SBF2: variants seen among roughly 807,000 people sequenced by gnomAD.
SBF2 encodes myotubularin-related protein 13.
SBF2 carries 112 observed loss-of-function variants against 225.2 expected under a neutral mutation model. The observed-to-expected ratio is 0.50, with a 90% CI of 0.43 to 0.58. SBF2 has a LOEUF of 0.58. Ranked by LOEUF, SBF2 falls within the 20% of genes least tolerant of loss-of-function variation. The pLI is 0.00. For missense variants in SBF2, 1,996 were observed against 2,206.2 expected, an observed-to-expected ratio of 0.90 and a Z score of 1.91; for synonymous variants, 763 against 773.3, an observed-to-expected ratio of 0.99 and a Z score of 0.22.
At chr11:10,254,707 A>G (rs1403010647) in intron 1 of SBF2, among the ~76,000 whole-genome samples, 1 of 151,260 alleles carries the variant, frequency 6.6e-6, no homozygotes, top group Non-Finnish European at 1.5e-5. Flanking sequence ...GGAGTTCAAG[A>G]CCAGCCTAAC....
At chr11:10,122,421 G>A (rs1272705990) in intron 2 of SBF2, among the ~76,000 whole-genome samples, 1 of 152,132 alleles carries the variant, frequency 6.6e-6, no homozygotes, top group African/African-American at 2.4e-5. Flanking sequence ...ATATATTTAT[G>A]TATTTTAGAG....
At chr11:10,085,260 T>G (rs1951518748) in intron 2 of SBF2, among the ~76,000 whole-genome samples, 1 of 152,194 alleles carries the variant, frequency 6.6e-6, no homozygotes, top group Non-Finnish European at 1.5e-5. Context: ...ACTGTTTCTT[T>G]TAATCCCTTT....
intron 1 of SBF2, among the ~76,000 whole-genome samples, chr11:10,217,688 A>AT (rs1200453245): frequency 1.3e-5 from 2 of 152,182 alleles, no homozygotes; most frequent in Non-Finnish European, 2.9e-5. Flanking sequence ...TATGAGAGAA[A>AT]AAACTCTAAG....
chr11:10,103,297 T>C (rs150482187), intron 2 of SBF2, among the ~76,000 whole-genome samples: 40 of 152,346 alleles, frequency 2.6e-4, no homozygotes, highest in African/African-American at 8.2e-4. Flanking sequence ...CTTTTAGATA[T>C]TATGTCCTCT....
intron 16 of SBF2, among the ~76,000 whole-genome samples, chr11:9,950,508 A>T (rs1167915647): frequency 6.6e-6 from 1 of 152,208 alleles, no homozygotes; most frequent in Non-Finnish European, 1.5e-5. Flanking sequence ...GTGGGACATT[A>T]AAAAATACAG....
At chr11:10,216,327 T>A (rs547593546) in intron 1 of SBF2, among the ~76,000 whole-genome samples, 1 of 152,240 alleles carries the variant, frequency 6.6e-6, no homozygotes, top group Non-Finnish European at 1.5e-5. Context: ...TGAGTCAAAA[T>A]CTTTTTGAAG....
chr11:9,816,794 C>G, intron 29 of SBF2, 46 bp downstream of exon 29: 1 of 1,579,794 alleles, frequency 6.3e-7, no homozygotes, highest in Non-Finnish European at 8.7e-7. Flanking sequence ...TATCAACAGC[C>G]CTAGCGTATC....
chr11:10,204,678 A>T (rs574446792), intron 1 of SBF2, among the ~76,000 whole-genome samples: 1 of 151,466 alleles, frequency 6.6e-6, no homozygotes, highest in African/African-American at 2.4e-5. Context: ...AAAGGAATGG[A>T]GTACTGATAC....
chr11:10,213,886 C>A (rs1374609311), intron 1 of SBF2, among the ~76,000 whole-genome samples: 1 of 152,156 alleles, frequency 6.6e-6, no homozygotes, highest in South Asian at 2.1e-4. Flanking sequence ...CCTATGAAAT[C>A]TGATGAAGCT....
intron 17 of SBF2, among the ~76,000 whole-genome samples, chr11:9,868,825 T>C (rs1242306464): frequency 6.6e-6 from 1 of 152,226 alleles, no homozygotes; most frequent in Non-Finnish European, 1.5e-5. Context: ...ATCTAGATGC[T>C]TGATCAGACT....
At chr11:10,011,127 T>C (rs1274750420) in intron 6 of SBF2, among the ~76,000 whole-genome samples, 1 of 152,224 alleles carries the variant, frequency 6.6e-6, no homozygotes, top group Non-Finnish European at 1.5e-5. Flanking sequence ...ATAGTCTATT[T>C]ACCCACAGAT....
intron 2 of SBF2, among the ~76,000 whole-genome samples, chr11:10,054,413 T>C: frequency 6.6e-6 from 1 of 152,234 alleles, no homozygotes; most frequent in East Asian, 1.9e-4. Context: ...TAATATGTTC[T>C]CAAAGACAAA....
intron 1 of SBF2, among the ~76,000 whole-genome samples, chr11:10,287,439 G>A (rs987343341): frequency 2.1e-4 from 32 of 151,864 alleles, no homozygotes; most frequent in East Asian, 1.9e-4. Context: ...GTGTCACCAC[G>A]CCAGGCTATT....
chr11:9,963,677 G>A, intron 15 of SBF2, 96 bp downstream of exon 15: 1 of 691,322 alleles, frequency 1.4e-6, no homozygotes. Context: ...TTAGGAAAAG[G>A]GATAGAATTA....
Position 10,096,922 on chromosome 11 carries a change from T to C in SBF2, c.142-53941A>G, listed in dbSNP as rs1489772480. 2.6e-5 allele frequency among the ~76,000 whole-genome samples: 4 copies of C among 152,146 alleles called. 1 individual carries two copies. Among genetic ancestry groups the C allele is most frequent in the African/African-American group, 9.7e-5 (4 of 41,426 alleles). On this transcript the variant is annotated intron_variant, in intron 2 of 39. Coordinates refer to ENST00000256190, the MANE Select transcript of SBF2 (RefSeq NM_030962.4). ...ATTAAGAGAAAATTGGACATGTATATAAAGGATGAATAAAGAAATAAATGC... is the reference window on the plus strand; with the variant it reads ...ATTAAGAGAAAATTGGACATGTATACAAAGGATGAATAAAGAAATAAATGC...
chr11:10,235,901 C>T (rs1261478283), intron 1 of SBF2, among the ~76,000 whole-genome samples: 1 of 152,110 alleles, frequency 6.6e-6, no homozygotes, highest in East Asian at 1.9e-4. Flanking sequence ...GACCCCCCAT[C>T]TCCACAAATA....
rs1861211377 is a variant in SBF2 at position 9,895,890 on chromosome 11, G to C, written c.1929+53C>G. On this transcript the variant is annotated intron_variant, in intron 17 of 39. Transcript: ENST00000256190. ...ATGTAGTTCCATAATAAATCAAACT[G>C]AATACATTTATGTAAATCATAACAA... 3.1e-6 allele frequency: 4 copies of C among 1,309,358 alleles called. No individual in the cohort carries two copies. In the East Asian group the frequency reaches 9.3e-5, roughly 30 times the overall value. The allele number at this position is 1,309,358 out of a possible 1,614,324, so 81.1% of individuals were successfully genotyped here.
At chr11:9,785,036 C>A in intron 37 of SBF2, 89 bp downstream of exon 37, 1 of 1,112,564 alleles carries the variant, frequency 9.0e-7, no homozygotes, top group Non-Finnish European at 1.4e-6. Flanking sequence ...GGCTGTACTG[C>A]ACAGGCCTAG....
At chr11:10,223,098 A>G (rs1224294416) in intron 1 of SBF2, among the ~76,000 whole-genome samples, 2 of 152,072 alleles carry the variant, frequency 1.3e-5, no homozygotes, top group Non-Finnish European at 2.9e-5. Flanking sequence ...GTAACTCAGT[A>G]GAAACAAATT....
Sources: allele counts gnomAD v4.1 joint callset (sites outside exome capture counted in the v4.1 genomes callset), GRCh38; gene constraint gnomAD v4.1.1; transcripts MANE v1.5; gene names NCBI Gene and HGNC (gene_info 2026-07-23, HGNC 2026-07-21).